The following NRXN2 variants were observed in gnomAD, a reference collection of about 807,000 sequenced individuals.
NRXN2 encodes neurexin-2-beta.
NRXN2 carries 29 observed loss-of-function variants against 128.8 expected under a neutral mutation model. That is an observed-to-expected ratio of 0.23 (90% CI 0.17 to 0.31). The LOEUF (loss-of-function observed/expected upper bound fraction) is 0.31. Among genes scored for constraint, NRXN2 ranks in the 10% least tolerant of loss-of-function variants. NRXN2 has a pLI of 1.00. For missense variants in NRXN2, 1,881 were observed against 2,452.6 expected, an observed-to-expected ratio of 0.77 and a Z score of 4.92; for synonymous variants, 1,098 against 1,075.2, an observed-to-expected ratio of 1.02 and a Z score of -0.41.
intron 17 of NRXN2, among the ~76,000 whole-genome samples, chr11:64,638,148 C>T (rs1364459615): frequency 6.6e-6 from 1 of 152,170 alleles, no homozygotes; most frequent in Non-Finnish European, 1.5e-5. Flanking sequence ...GTCCCCGCCC[C>T]CGAGGCCCGC....
chr11:64,662,785 A>T (rs2049226666), intron 9 of NRXN2, among the ~76,000 whole-genome samples: 1 of 149,448 alleles, frequency 6.7e-6, no homozygotes, highest in East Asian at 1.9e-4. Flanking sequence ...CTGTCTCAAA[A>T]AAAAAAATAA....
chr11:64,714,941 A>G lies in NRXN2; in HGVS notation c.-244-998T>C, dbSNP rs2057250343. ...AACAACCCTCCTGAATATTGCATTG[A>G]TTTTATTTTGGGGAGGGAGGGAGAG... On this transcript the variant is annotated intron_variant, in intron 1 of 22. Coordinates refer to ENST00000265459, the MANE Select transcript of NRXN2 (RefSeq NM_015080.4). The surrounding 1 kb of genome is among the most constrained non-coding windows in gnomAD (Gnocchi z 4.5). Among the ~76,000 whole-genome samples, 1 of 151,936 alleles carries G rather than the reference A, an allele frequency of 6.6e-6. No homozygotes were observed. Among genetic ancestry groups the G allele is most frequent in the African/African-American group, 2.4e-5 (1 of 41,358 alleles).
At chr11:64,621,526 G>C (rs550177692) in intron 21 of NRXN2, among the ~76,000 whole-genome samples, 2 of 152,262 alleles carry the variant, frequency 1.3e-5, no homozygotes, top group Admixed American at 1.3e-4. Flanking sequence ...GATGGCCCCA[G>C]CTAGCCTAGT....
At chr11:64,611,277 C>G (rs578181915) in intron 22 of NRXN2, among the ~76,000 whole-genome samples, 1 of 152,322 alleles carries the variant, frequency 6.6e-6, no homozygotes, top group African/African-American at 2.4e-5. Flanking sequence ...CCCCTCCACC[C>G]TCTTAGGCAG....
rs141271281 is a variant in NRXN2 at position 64,657,284 on chromosome 11, G to A, written c.2389+3048C>T. On this transcript the variant is annotated intron_variant, in intron 11 of 22. Transcript: ENST00000265459. Reference sequence around the variant, plus strand: ...GGGCCAGGAGGCTGAAGGAGGTGACGCCTTGTGGTTCAGAGATTCTTTACA... The same window carrying A: ...GGGCCAGGAGGCTGAAGGAGGTGACACCTTGTGGTTCAGAGATTCTTTACA... 7.1e-3 allele frequency among the ~76,000 whole-genome samples: 1,086 copies of A among 152,282 alleles called. 9 individuals are homozygous for A. Among genetic ancestry groups the A allele is most frequent in the Non-Finnish European group, 8.2e-3 (559 of 68,008 alleles).
chr11:64,704,643 G>GAGAC (rs2056007330), intron 2 of NRXN2, among the ~76,000 whole-genome samples: 1 of 149,818 alleles, frequency 6.7e-6, no homozygotes, highest in Non-Finnish European at 1.5e-5. Flanking sequence ...GAGAGAGAGA[G>GAGAC]AGAGAGAGAG....
Position 64,697,798 on chromosome 11 carries a change from G to A in NRXN2, c.731-6C>T, listed in dbSNP as rs1405718238. On this transcript the variant is annotated splice_polypyrimidine_tract_variant and splice_region_variant and intron_variant, in intron 2 of 22. Coordinates refer to ENST00000265459, the MANE Select transcript of NRXN2 (RefSeq NM_015080.4). ...ACCTTCCATGGGGTGCTCCTCTGCAGCCAGCGAGGTTCGGAGAAGACGGAG... is the reference window on the plus strand; with the variant it reads ...ACCTTCCATGGGGTGCTCCTCTGCAACCAGCGAGGTTCGGAGAAGACGGAG... The A allele has an allele frequency of 6.2e-7, 1 of 1,613,860 alleles. No individual in the cohort carries two copies. Among genetic ancestry groups the A allele is most frequent in the Non-Finnish European group, 8.5e-7 (1 of 1,179,842 alleles).
chr11:64,661,395 C>A (rs1447829383), intron 9 of NRXN2: 1 of 1,398,650 alleles, frequency 7.1e-7, no homozygotes, highest in African/African-American at 1.4e-5. Flanking sequence ...GGCCTCTGTC[C>A]ATACCCCTCC....
chr11:64,654,200 C>T (rs1460652635), intron 11 of NRXN2, among the ~76,000 whole-genome samples: 1 of 151,938 alleles, frequency 6.6e-6, no homozygotes, highest in Admixed American at 6.5e-5. Context: ...CTCCCTGTTC[C>T]CCTCTGGGCT....
intron 12 of NRXN2, among the ~76,000 whole-genome samples, chr11:64,653,317 T>A (rs554839128): frequency 6.6e-6 from 1 of 151,914 alleles, no homozygotes; most frequent in Non-Finnish European, 1.5e-5. Flanking sequence ...TTCCAGCCCC[T>A]CTCAGGCTCC....
chr11:64,700,472 C>T (rs2055178558), intron 2 of NRXN2, among the ~76,000 whole-genome samples: 1 of 152,224 alleles, frequency 6.6e-6, no homozygotes, highest in South Asian at 2.1e-4. Context: ...GTGCTGGGCA[C>T]CGTACTGACC....
At chr11:64,676,958 AAACCAAACGGT>A (rs764527851) in intron 7 of NRXN2, 24 bp downstream of exon 7, 11 of 1,605,412 alleles carry the variant, frequency 6.9e-6, no homozygotes, top group Non-Finnish European at 9.4e-6. Context: ...AACCCACGGC[AAACCAAACGGT>A]AAGACAATTA....
intron 22 of NRXN2, 31 bp downstream of exon 22, chr11:64,620,263 C>A: frequency 2.6e-6 from 4 of 1,526,542 alleles, no homozygotes; most frequent in Non-Finnish European, 3.6e-6. Context: ...GCAGAGGGAC[C>A]CGGGGCAGGG....
chr11:64,679,126 T>C (rs2051782015), intron 6 of NRXN2, among the ~76,000 whole-genome samples: 1 of 152,150 alleles, frequency 6.6e-6, no homozygotes, highest in South Asian at 2.1e-4. Flanking sequence ...CAAGGAACAA[T>C]TAGCTTCAGG....
intron 2 of NRXN2, among the ~76,000 whole-genome samples, chr11:64,711,149 T>C (rs1277901843): frequency 6.6e-6 from 1 of 152,144 alleles, no homozygotes; most frequent in Admixed American, 6.5e-5. Flanking sequence ...GGCCCTCCCA[T>C]GGCTGTCCAC....
intron 2 of NRXN2, among the ~76,000 whole-genome samples, chr11:64,702,268 C>T (rs1271493419): frequency 6.6e-6 from 1 of 152,130 alleles, no homozygotes; most frequent in Non-Finnish European, 1.5e-5. Flanking sequence ...GTGAGGAGCC[C>T]CTCTGCCCGG....
At position 64,660,562 on chromosome 11, in the gene NRXN2, AAGG is replaced by A. The variant is rs768410425; in HGVS notation, c.2186-30_2186-28del. On this transcript the variant is annotated intron_variant, in intron 10 of 22. Coordinates refer to ENST00000265459, the MANE Select transcript of NRXN2 (RefSeq NM_015080.4). The surrounding 1 kb of genome is among the most constrained non-coding windows in gnomAD (Gnocchi z 5.2). Reference sequence around the variant, plus strand: ...TGCCCACAGGAGTTGGGGAAGAGGGAAGGAGAAGACAGGCAGAGGCCAGGGGAG... The same window carrying A: ...TGCCCACAGGAGTTGGGGAAGAGGGAAGAAGACAGGCAGAGGCCAGGGGAG... 2.5e-6 allele frequency: 4 copies of A among 1,612,012 alleles called. No individual in the cohort carries two copies. The South Asian group carries it at 3.3e-5, about 13-fold the overall frequency.
chr11:64,681,812 T>TTGGCA (rs199914505), intron 6 of NRXN2, among the ~76,000 whole-genome samples: 3 of 5,316 alleles, frequency 5.6e-4, no homozygotes, highest in South Asian at 0.033. Flanking sequence ...ACTAAGAAAA[T>TTGGCA]TGGATGAGTA....
Position 64,606,571 on chromosome 11 carries a change from G to C in NRXN2, c.*625C>G, listed in dbSNP as rs1431766188. 3 of 152,206 alleles carry C rather than the reference G, an allele frequency of 2.0e-5. No individual in the cohort carries two copies. The East Asian group carries it at 5.9e-4, about 30-fold the overall frequency. 9.4% of individuals were successfully genotyped at this position (152,206 alleles called of 1,614,324 possible). A position where few individuals can be genotyped will look rare whatever the true frequency, so the allele number is the denominator to read the frequency against. ...GCGGCACCAAGCAGGTGCCTCTCCT[G>C]GTGAGGGGAGTTGGGGCACTTGCCC... On this transcript the variant is annotated 3_prime_UTR_variant, in exon 23 of 23. Coordinates refer to ENST00000265459, the MANE Select transcript of NRXN2 (RefSeq NM_015080.4).
Sources: gnomAD v4.1 joint callset for allele counts (sites outside exome capture counted in the v4.1 genomes callset) on GRCh38, gnomAD v4.1.1 for gene constraint, Gnocchi (gnomAD v3.1) non-coding constraint, MANE v1.5 for transcripts, NCBI Gene and HGNC (gene_info 2026-07-23, HGNC 2026-07-21) for gene names.